Variants in CHERP observed in about 807,000 individuals in gnomAD.
CHERP encodes the protein ERPROT 213-21.
Under a neutral mutation model 113.8 loss-of-function variants are expected in CHERP, and 8 were observed. That is an observed-to-expected ratio of 0.07 (90% CI 0.04 to 0.13). The LOEUF (loss-of-function observed/expected upper bound fraction) is 0.13. Ranked by LOEUF, CHERP falls within the 10% of genes least tolerant of loss-of-function variation. The probability of loss-of-function intolerance (pLI) is 1.00; values close to 1 mark genes in which losing one functional copy is unlikely to be tolerated. For missense variants in CHERP, 884 were observed against 1,298.2 expected, an observed-to-expected ratio of 0.68 and a Z score of 4.90; for synonymous variants, 559 against 524.5, an observed-to-expected ratio of 1.07 and a Z score of -0.90.
chr19:16,533,444 A>G (rs932756585), intron 3 of CHERP, among the ~76,000 whole-genome samples: 3 of 152,116 alleles, frequency 2.0e-5, no homozygotes, highest in Non-Finnish European at 4.4e-5. Flanking sequence ...AGGAACAAAC[A>G]ACCTCTGCAA....
In CHERP at chr19:16,520,240, T is replaced by C. The variant is rs1169807701; in HGVS notation, c.2371A>G (p.Arg791Gly). The C allele has an allele frequency of 1.2e-6, 2 of 1,613,416 alleles. No homozygotes were observed. Among genetic ancestry groups the C allele is most frequent in the Admixed American group, 1.7e-5 (1 of 60,010 alleles). ...CGCGACTGGGACCGGGAGCGGCTTC[T>C]GGAGGAGCGCGACCTGCTCCGACTT... ...SRSRSRSRSS[R>G]SRSRSQSRSR... The change falls in exon 15 of 17, where the codon AGA becomes GGA. Residue 791 changes from arginine to glycine, a missense_variant. Around this residue, in one of 8 missense-constraint regions of CHERP, gnomAD observed 159 missense variants for 185.8 expected, o/e 0.86. Transcript: ENST00000546361. This position sits in a 1 kb window ranked among gnomAD's most constrained non-coding sequence, Gnocchi z 4.0.
At chr19:16,528,995 G>C (rs546390913) in intron 8 of CHERP, among the ~76,000 whole-genome samples, 1 of 152,316 alleles carries the variant, frequency 6.6e-6, no homozygotes, top group South Asian at 2.1e-4. Flanking sequence ...ATTCTGCTAA[G>C]ATTTCCTTCA....
chr19:16,521,459 T>G (rs1350831795), intron 12 of CHERP, 62 bp downstream of exon 12: 1 of 1,449,272 alleles, frequency 6.9e-7, no homozygotes, highest in Non-Finnish European at 9.1e-7. Flanking sequence ...AAGGTGTGGT[T>G]GCAGGGAGCC....
intron 9 of CHERP, among the ~76,000 whole-genome samples, chr19:16,527,029 G>A (rs2085661686): frequency 6.6e-6 from 1 of 152,188 alleles, no homozygotes; most frequent in Non-Finnish European, 1.5e-5. Context: ...ACTTTTAAAC[G>A]TGTTAAGACC....
rs1477681007 is a variant in CHERP, at chr19:16,518,881, T to C, written c.*278A>G. ...CTGAAGAATTTACTCGGGCGGAGGGTCTTGTGTTTTTTGCTTCGCTATAAA... is the reference window on the plus strand; with the variant it reads ...CTGAAGAATTTACTCGGGCGGAGGGCCTTGTGTTTTTTGCTTCGCTATAAA... On this transcript the variant is annotated 3_prime_UTR_variant, in exon 17 of 17. Transcript: ENST00000546361. 13 of 457,658 alleles carry C rather than the reference T, an allele frequency of 2.8e-5. No individual in the cohort carries two copies. The South Asian group carries it at 3.2e-4, about 11-fold the overall frequency. The allele number at this position is 457,658 out of a possible 1,614,324, so 28.3% of individuals were successfully genotyped here.
Position 16,530,927 on chromosome 19 carries a change from C to T in CHERP, c.675-47G>A, listed in dbSNP as rs758783742. On this transcript the variant is annotated intron_variant, in intron 5 of 16. Coordinates refer to ENST00000546361, the MANE Select transcript of CHERP (RefSeq NM_006387.6). This position sits in a 1 kb window ranked among gnomAD's most constrained non-coding sequence, Gnocchi z 4.1. ...CGCGTCAGGGCCCTGGGGCGGGACC[C>T]GGCCACGCGCCCGTTACCATCGCGG... 1.3e-5 allele frequency: 20 copies of T among 1,595,666 alleles called. No individual in the cohort carries two copies. The highest frequency in any genetic ancestry group is 4.4e-5 in the South Asian group (4 of 90,476).
At chr19:16,538,139 T>TCCAAGCCAGGTCCCCGACTCCTCC (rs1314139640) in intron 2 of CHERP, among the ~76,000 whole-genome samples, 19 of 151,890 alleles carry the variant, frequency 1.3e-4, no homozygotes, top group African/African-American at 3.6e-4. Context: ...CTCACTCCTC[T>TCCAAGCCAGGTCCCCGACTCCTCC]CCAAGCCAGG....
At chr19:16,524,992 C>T (rs1456926837) in intron 10 of CHERP, among the ~76,000 whole-genome samples, 2 of 152,186 alleles carry the variant, frequency 1.3e-5, no homozygotes, top group South Asian at 2.1e-4. Flanking sequence ...CCACGCCCAC[C>T]CACGGCAGGA....
rs1372202366 is a variant in CHERP, at chr19:16,525,542, T to G, written c.1441A>C (p.Asn481His). Residue 481 changes from asparagine to histidine, a missense_variant, in exon 10 of 17, where the codon AAC (asparagine) becomes CAC (histidine). Around this residue, in one of 8 missense-constraint regions of CHERP, gnomAD observed 464 missense variants for 590.1 expected, o/e 0.79. Transcript: ENST00000546361. This position sits in a 1 kb window ranked among gnomAD's most constrained non-coding sequence, Gnocchi z 6.5. ...GWNGQRDAPWNNQPDAAWNSQ... is the reference protein window; with the variant it reads ...GWNGQRDAPWHNQPDAAWNSQ... Reference sequence around the variant, plus strand: ...TTCCAGGCGGCGTCGGGCTGGTTGTTCCAGGGCGCGTCGCGCTGGCCGTTC... The same window carrying G: ...TTCCAGGCGGCGTCGGGCTGGTTGTGCCAGGGCGCGTCGCGCTGGCCGTTC... The G allele has an allele frequency of 6.5e-7, 1 of 1,545,082 alleles. No homozygotes were observed. The highest frequency in any genetic ancestry group is 2.4e-5 in the East Asian group (1 of 41,066).
In CHERP at chr19:16,535,734, G is replaced by A. The variant is rs1178801644; in HGVS notation, c.200-98C>T. The A allele has an allele frequency of 8.4e-7, 1 of 1,189,202 alleles. No homozygotes were observed. Among genetic ancestry groups the A allele is most frequent in the South Asian group, 1.6e-5 (1 of 63,004 alleles). 73.7% of individuals were successfully genotyped at this position (1,189,202 alleles called of 1,614,324 possible). A position where few individuals can be genotyped will look rare whatever the true frequency, so the allele number is the denominator to read the frequency against. On this transcript the variant is annotated intron_variant, in intron 2 of 16. Transcript: ENST00000546361. The surrounding 1 kb of genome is among the most constrained non-coding windows in gnomAD (Gnocchi z 4.3). ...AGCCACAGGGGCCTCCCCCTCCCCA[G>A]GGACTCACCATCCACGAGGGCCTGT...
chr19:16,540,371 T>G (rs890807365), intron 2 of CHERP, among the ~76,000 whole-genome samples: 1 of 150,280 alleles, frequency 6.7e-6, no homozygotes, highest in African/African-American at 2.5e-5. Context: ...CTGGCCTCCT[T>G]TCAAGCTGCT....
Position 16,525,414 on chromosome 19 carries a change from C to A in CHERP, c.1569G>T (p.Arg523=). The change falls in exon 10 of 17, where the codon CGG becomes CGT. Residue 523 remains arginine (R), a synonymous_variant. Transcript: ENST00000546361. The surrounding 1 kb of genome is among the most constrained non-coding windows in gnomAD (Gnocchi z 6.5). The part of the protein sequence containing the change: ...PFRMQRPPHF[R]GPFPPHQQHP... Reference sequence around the variant, plus strand: ...GCTGCTGGTGGGGCGGGAAGGGCCCCCGGAAGTGTGGGGGCCGCTGCATGC... The same window carrying A: ...GCTGCTGGTGGGGCGGGAAGGGCCCACGGAAGTGTGGGGGCCGCTGCATGC... 6.6e-7 allele frequency: 1 copy of A among 1,513,750 alleles called. No individual in the cohort carries two copies. The allele number at this position is 1,513,750 out of a possible 1,614,324, so 93.8% of individuals were successfully genotyped here.
rs2085594821 is a variant in CHERP at position 16,520,063 on chromosome 19, C to T, written c.2462+86G>A. The T allele has an allele frequency of 4.3e-6, 6 of 1,409,628 alleles. No homozygotes were observed. Among genetic ancestry groups the T allele is most frequent in the Non-Finnish European group, 5.9e-6 (6 of 1,008,918 alleles). The allele number at this position is 1,409,628 out of a possible 1,614,324, so 87.3% of individuals were successfully genotyped here. A position where few individuals can be genotyped will look rare whatever the true frequency, so the allele number is the denominator to read the frequency against. Reference sequence around the variant, plus strand: ...AATGCTGGCGGCCTCCTAACACAGTCTCCTAACCACCAATGTTTCCACATT... The same window carrying T: ...AATGCTGGCGGCCTCCTAACACAGTTTCCTAACCACCAATGTTTCCACATT... On this transcript the variant is annotated intron_variant, in intron 15 of 16. Transcript: ENST00000546361. The surrounding 1 kb of genome is among the most constrained non-coding windows in gnomAD (Gnocchi z 4.0).
rs1280309658 is a variant in CHERP, at chr19:16,535,369, G to C, written c.384+83C>G. On this transcript the variant is annotated intron_variant, in intron 3 of 16. Coordinates refer to ENST00000546361, the MANE Select transcript of CHERP (RefSeq NM_006387.6). This position sits in a 1 kb window ranked among gnomAD's most constrained non-coding sequence, Gnocchi z 4.3. ...GGGGGCCCTGTCCTCACTGACACCT[G>C]TTATTCATTCTGATGAGCAGACGCA... 1 of 1,452,812 alleles carries C rather than the reference G, an allele frequency of 6.9e-7. No individual in the cohort carries two copies. Among genetic ancestry groups the C allele is most frequent in the Non-Finnish European group, 9.3e-7 (1 of 1,069,726 alleles). 90.0% of individuals were successfully genotyped at this position (1,452,812 alleles called of 1,614,324 possible).
Position 16,520,004 on chromosome 19 carries a change from G to A in CHERP, c.2462+145C>T. The A allele has an allele frequency of 1.2e-6, 1 of 861,380 alleles. No individual in the cohort carries two copies. The highest frequency in any genetic ancestry group is 1.6e-5 in the South Asian group (1 of 62,872). 53.4% of individuals were successfully genotyped at this position (861,380 alleles called of 1,614,324 possible). ...TCAGGCTTCGCCAAGTGGCTACTGT[G>A]GTGAAGGGTGAGGGGTGCCACTGTC... On this transcript the variant is annotated intron_variant, in intron 15 of 16. Coordinates refer to ENST00000546361, the MANE Select transcript of CHERP (RefSeq NM_006387.6). The surrounding 1 kb of genome is among the most constrained non-coding windows in gnomAD (Gnocchi z 4.0).
chr19:16,521,847 G>A (rs987170230), intron 11 of CHERP, among the ~76,000 whole-genome samples, 193 bp from the exon 12 acceptor site: 5 of 152,206 alleles, frequency 3.3e-5, no homozygotes, highest in African/African-American at 1.2e-4. Context: ...ACCATGGTGG[G>A]TCATAGCTGC....
chr19:16,530,737 C>T lies in CHERP; in HGVS notation c.786+32G>A. Reference sequence around the variant, plus strand: ...AGGGGAAAGGCCTGTGTGTCCCGGTCTTGCCCAACCCCCGGCCCGGGGCCC... The same window carrying T: ...AGGGGAAAGGCCTGTGTGTCCCGGTTTTGCCCAACCCCCGGCCCGGGGCCC... On this transcript the variant is annotated intron_variant, in intron 6 of 16. Transcript: ENST00000546361. This position sits in a 1 kb window ranked among gnomAD's most constrained non-coding sequence, Gnocchi z 4.1. 1.2e-6 allele frequency: 2 copies of T among 1,614,048 alleles called. No individual in the cohort carries two copies. The highest frequency in any genetic ancestry group is 1.7e-6 in the Non-Finnish European group (2 of 1,179,972).
chr19:16,538,647 T>C (rs753396848), intron 2 of CHERP, among the ~76,000 whole-genome samples: 47 of 151,844 alleles, frequency 3.1e-4, no homozygotes, highest in Non-Finnish European at 5.9e-4. Context: ...CTTGCCACTG[T>C]ACTCCAGCCT....
chr19:16,520,709 C>A lies in CHERP; in HGVS notation c.2201+117G>T. 8.3e-7 allele frequency: 1 copy of A among 1,206,342 alleles called. No homozygotes were observed. Among genetic ancestry groups the A allele is most frequent in the South Asian group, 1.2e-5 (1 of 81,110 alleles). 74.7% of individuals were successfully genotyped at this position (1,206,342 alleles called of 1,614,324 possible). A position where few individuals can be genotyped will look rare whatever the true frequency, so the allele number is the denominator to read the frequency against. ...AATTCAGGCCTTGTGGAAAACACCG[C>A]CCCATAGGCACAGGCTGTGTGAGGG... On this transcript the variant is annotated intron_variant, in intron 13 of 16. Coordinates refer to ENST00000546361, the MANE Select transcript of CHERP (RefSeq NM_006387.6). The surrounding 1 kb of genome is among the most constrained non-coding windows in gnomAD (Gnocchi z 4.0).
Sources: gnomAD v4.1 joint callset for allele counts (sites outside exome capture counted in the v4.1 genomes callset) on GRCh38, gnomAD v4.1.1 for gene constraint, gnomAD v4.1.1 regional missense constraint, Gnocchi (gnomAD v3.1) non-coding constraint, MANE v1.5 for transcripts, NCBI Gene and HGNC (gene_info 2026-07-23, HGNC 2026-07-21) for gene names.